SLC24A2: variants seen among roughly 807,000 people sequenced by gnomAD.
SLC24A2 encodes the protein solute carrier family 24 member 2.
A neutral mutation model predicts 62.0 loss-of-function variants in SLC24A2; 36 were observed. The observed-to-expected ratio is 0.58, with a 90% CI of 0.44 to 0.77. The LOEUF is 0.77. SLC24A2 is among the 30% of genes least tolerant of loss of function. The pLI is 0.00. For missense variants in SLC24A2, 846 were observed against 817.9 expected, an observed-to-expected ratio of 1.03 and a Z score of -0.42; for synonymous variants, 358 against 294.0, an observed-to-expected ratio of 1.22 and a Z score of -2.23.
the SLC24A2 span, among the ~76,000 whole-genome samples, chr9:20,221,462 G>C: frequency 4.6e-5 from 7 of 152,006 alleles, no homozygotes; most frequent in Non-Finnish European, 1.0e-4. Flanking sequence ...GACTTGTTTT[G>C]AATGATGAGG....
At chr9:19,828,239 T>C in the SLC24A2 span, among the ~76,000 whole-genome samples, 1 of 152,084 alleles carries the variant, frequency 6.6e-6, no homozygotes, top group Non-Finnish European at 1.5e-5. Flanking sequence ...GTGACCATCG[T>C]TTGCAATAAT....
upstream of SLC24A2, chr9:19,789,040 G>C: frequency 1.4e-6 from 1 of 727,728 alleles, no homozygotes; most frequent in Non-Finnish European, 1.7e-6. Context: ...AGGAGACTGA[G>C]CCGCTGTGAG....
chr9:20,120,449 C>A, the SLC24A2 span, among the ~76,000 whole-genome samples: 36,810 of 151,808 alleles, frequency 0.24, 5,035 homozygotes, highest in East Asian at 0.56. Flanking sequence ...GAATTAATGC[C>A]GAAACAGAAA....
At chr9:19,751,012 A>G (rs572082263) in intron 2 of SLC24A2, among the ~76,000 whole-genome samples, 1 of 152,272 alleles carries the variant, frequency 6.6e-6, no homozygotes, top group Non-Finnish European at 1.5e-5. Flanking sequence ...GTATACCCAC[A>G]GCATTCTGTG....
chr9:20,137,552 A>G, the SLC24A2 span, among the ~76,000 whole-genome samples: 2 of 152,242 alleles, frequency 1.3e-5, 1 homozygote. Context: ...ATATGTTGAC[A>G]CTGTGAACTA....
At chr9:19,567,235 A>G (rs539462255) in intron 7 of SLC24A2, among the ~76,000 whole-genome samples, 14 of 151,470 alleles carry the variant, frequency 9.2e-5, no homozygotes, top group East Asian at 3.9e-4. Context: ...CCATCATACT[A>G]AAAAACGAGA....
the SLC24A2 span, among the ~76,000 whole-genome samples, chr9:19,840,307 T>C: frequency 3.9e-5 from 6 of 152,154 alleles, no homozygotes; most frequent in Admixed American, 2.0e-4. Context: ...CTTTCTAGAA[T>C]TAAACCAGTA....
the SLC24A2 span, chr9:19,927,681 G>A: frequency 6.6e-6 from 1 of 152,134 alleles, no homozygotes; most frequent in Admixed American, 6.5e-5. Context: ...CAAGTTTCTC[G>A]TCTCGCCTCC....
At chr9:19,517,287 T>C (rs1223433098) in intron 10 of SLC24A2, among the ~76,000 whole-genome samples, 1 of 152,190 alleles carries the variant, frequency 6.6e-6, no homozygotes, top group Non-Finnish European at 1.5e-5. Flanking sequence ...CCCATCAGCC[T>C]AATGACAGCA....
chr9:20,235,138 T>TG, the SLC24A2 span, among the ~76,000 whole-genome samples: 23 of 152,306 alleles, frequency 1.5e-4, 1 homozygote, highest in African/African-American at 5.3e-4. Flanking sequence ...CCGCCCCTAC[T>TG]GGGGGGTGCC....
the SLC24A2 span, among the ~76,000 whole-genome samples, chr9:19,892,847 G>A: frequency 6.6e-6 from 1 of 152,160 alleles, no homozygotes; most frequent in Non-Finnish European, 1.5e-5. Context: ...CAGTCTGGCT[G>A]TCAATAAAAC....
the SLC24A2 span, among the ~76,000 whole-genome samples, chr9:19,918,393 C>A: frequency 6.0e-4 from 82 of 137,564 alleles, no homozygotes; most frequent in South Asian, 7.1e-4. Context: ...CTGCCTTTAT[C>A]AAAAAAAAAA....
At chr9:19,927,156 C>T in the SLC24A2 span, 1 of 152,104 alleles carries the variant, frequency 6.6e-6, no homozygotes, top group African/African-American at 2.4e-5. Context: ...GAAGCCTGGA[C>T]CTTAGCATGT....
chr9:20,068,886 T>G, the SLC24A2 span, among the ~76,000 whole-genome samples: 1 of 152,208 alleles, frequency 6.6e-6, no homozygotes, highest in East Asian at 1.9e-4. Context: ...TTTTCATGTT[T>G]ATTCTGATGA....
chr9:19,655,781 G>A (rs1587106531), intron 2 of SLC24A2, among the ~76,000 whole-genome samples: 2 of 152,290 alleles, frequency 1.3e-5, no homozygotes, highest in South Asian at 4.1e-4. Flanking sequence ...CAACTGGTGG[G>A]TGGAGGTTGC....
the SLC24A2 span, among the ~76,000 whole-genome samples, chr9:19,904,026 T>C: frequency 8.5e-5 from 13 of 152,186 alleles, no homozygotes; most frequent in Admixed American, 5.9e-4. Context: ...GCAGGTCTAA[T>C]GGGACAAGTC....
At chr9:20,162,392 A>T in the SLC24A2 span, among the ~76,000 whole-genome samples, 39 of 151,874 alleles carry the variant, frequency 2.6e-4, no homozygotes, top group Middle Eastern at 3.2e-3. Context: ...ATCATAAAAT[A>T]CTCTTGAAAC....
chr9:19,871,024 T>C, the SLC24A2 span, among the ~76,000 whole-genome samples: 4 of 152,120 alleles, frequency 2.6e-5, no homozygotes, highest in South Asian at 4.1e-4. Flanking sequence ...TCTTTTTTTT[T>C]CTGTTGTTTG....
intron 2 of SLC24A2, among the ~76,000 whole-genome samples, chr9:19,674,923 A>T (rs1431204246): frequency 6.6e-6 from 1 of 152,178 alleles, no homozygotes; most frequent in Non-Finnish European, 1.5e-5. Flanking sequence ...TGGGAGTGTT[A>T]AAGAACCTTG....
Sources: gnomAD v4.1 joint callset for allele counts (sites outside exome capture counted in the v4.1 genomes callset) on GRCh38, gnomAD v4.1.1 for gene constraint, MANE v1.5 for transcripts, NCBI Gene and HGNC (gene_info 2026-07-23, HGNC 2026-07-21) for gene names.